The following TMPRSS15 variants were observed in gnomAD, a reference collection of about 807,000 sequenced individuals.
The protein encoded by TMPRSS15 is enteropeptidase.
TMPRSS15 carries 128 observed loss-of-function variants against 125.3 expected under a neutral mutation model. The ratio of observed to expected loss-of-function variants is 1.02; its 90% CI spans 0.89 to 1.18. The LOEUF (loss-of-function observed/expected upper bound fraction) is 1.18. TMPRSS15 is among the 50% of genes most tolerant of loss of function. The probability of loss-of-function intolerance (pLI) is 0.00; values close to 1 mark genes in which losing one functional copy is unlikely to be tolerated. For missense variants in TMPRSS15, 1,283 were observed against 1,212.7 expected (o/e 1.06, Z -0.86); for synonymous variants, 446 against 423.2 (o/e 1.05, Z -0.66).
intron 3 of TMPRSS15, among the ~76,000 whole-genome samples, chr21:18,386,089 T>A (rs1055600220): frequency 5.9e-5 from 9 of 152,180 alleles, no homozygotes; most frequent in Non-Finnish European, 1.0e-4. Context: ...ATTCTGTTAA[T>A]GGGAATTTTG....
At chr21:18,436,382 G>T (rs1016110450) in intron 1 of TMPRSS15, among the ~76,000 whole-genome samples, 1 of 151,800 alleles carries the variant, frequency 6.6e-6, no homozygotes, top group Non-Finnish European at 1.5e-5. Context: ...CCTTCATTTC[G>T]TTATGTACCC....
chr21:18,465,182 CA>C (rs1027630505), intron 1 of TMPRSS15, among the ~76,000 whole-genome samples: 1 of 152,052 alleles, frequency 6.6e-6, no homozygotes, highest in Non-Finnish European at 1.5e-5. Context: ...TCAATAGATG[CA>C]GAAAAGGCCT....
At chr21:18,379,734 G>C (rs1386282473) in intron 4 of TMPRSS15, among the ~76,000 whole-genome samples, 1 of 152,046 alleles carries the variant, frequency 6.6e-6, no homozygotes, top group Non-Finnish European at 1.5e-5. Context: ...TTTGATTTCT[G>C]AGTTTGACAC....
At chr21:18,440,346 C>T (rs919246620) in intron 1 of TMPRSS15, among the ~76,000 whole-genome samples, 26 of 115,886 alleles carry the variant, frequency 2.2e-4, no homozygotes, top group African/African-American at 8.8e-4. Context: ...GCACTCCAGC[C>T]TGGGCGACAG....
chr21:18,353,678 T>C lies in TMPRSS15; in HGVS notation c.1021+45A>G, dbSNP rs776477768. ...TACCTTTAAAATTCCATCATAACAT[T>C]AAAGCATCTAAAAATTAAAAAGCCA... is the stretch of plus-strand genomic sequence containing the variant. On this transcript the variant is annotated intron_variant, in intron 9 of 24. Coordinates refer to ENST00000284885, the MANE Select transcript of TMPRSS15 (RefSeq NM_002772.3). 3.2e-6 allele frequency: 5 copies of C among 1,565,066 alleles called. No individual in the cohort carries two copies. In the South Asian group the frequency reaches 5.7e-5, roughly 18 times the overall value.
At chr21:18,445,876 C>T (rs1045760637) in intron 1 of TMPRSS15, among the ~76,000 whole-genome samples, 1 of 152,160 alleles carries the variant, frequency 6.6e-6, no homozygotes, top group African/African-American at 2.4e-5. Flanking sequence ...CTATTGAAAG[C>T]CTTTTCTCTA....
chr21:18,391,509 G>A (rs1219683717), intron 3 of TMPRSS15, among the ~76,000 whole-genome samples: 2 of 152,206 alleles, frequency 1.3e-5, no homozygotes, highest in African/African-American at 4.8e-5. Flanking sequence ...CACATCCACG[G>A]CATGCTAATG....
At chr21:18,286,173 C>T (rs1303295253) in intron 21 of TMPRSS15, among the ~76,000 whole-genome samples, 2 of 152,088 alleles carry the variant, frequency 1.3e-5, no homozygotes, top group East Asian at 1.9e-4. Context: ...TTTCACTCTC[C>T]GTTCCTCCTC....
chr21:18,314,453 T>C (rs890416644), intron 17 of TMPRSS15, among the ~76,000 whole-genome samples: 4 of 151,768 alleles, frequency 2.6e-5, no homozygotes, highest in African/African-American at 9.7e-5. Context: ...AAATTTCGTA[T>C]TTTTAGTAGA....
chr21:18,436,540 C>A (rs2076228233), intron 1 of TMPRSS15, among the ~76,000 whole-genome samples: 1 of 151,422 alleles, frequency 6.6e-6, no homozygotes, highest in South Asian at 2.1e-4. Flanking sequence ...TCTAGAAAAC[C>A]CCATTGTCTC....
chr21:18,326,662 G>A (rs1283336427), intron 15 of TMPRSS15, 90 bp from the exon 16 acceptor site: 23 of 1,476,866 alleles, frequency 1.6e-5, no homozygotes, highest in Middle Eastern at 1.8e-4. Context: ...TCTGCCAGAC[G>A]TAGGGCTACA....
At chr21:18,432,566 C>G (rs1422079128) in intron 1 of TMPRSS15, among the ~76,000 whole-genome samples, 1 of 152,056 alleles carries the variant, frequency 6.6e-6, no homozygotes, top group Non-Finnish European at 1.5e-5. Context: ...TGTGAAGACA[C>G]AGAAATACAG....
chr21:18,309,971 T>TTCTC lies in TMPRSS15; in HGVS notation c.2165+2973_2165+2974insGAGA, dbSNP rs777121475. On this transcript the variant is annotated intron_variant, in intron 18 of 24. Transcript: ENST00000284885. ...GAGGCTTGGAGCTGGGAAGTTTCCA[T>TTCTC]TCTAAATGCACAGCTTTTGAGAATA... Among the ~76,000 whole-genome samples the TTCTC allele has an allele frequency of 3.1e-3, 469 of 152,280 alleles. 1 individual carries two copies. Among genetic ancestry groups the TTCTC allele is most frequent in the Middle Eastern group, 0.01 (3 of 294 alleles).
chr21:18,318,141 G>A (rs1217953332), intron 16 of TMPRSS15, among the ~76,000 whole-genome samples: 1 of 152,192 alleles, frequency 6.6e-6, no homozygotes, highest in Non-Finnish European at 1.5e-5. Flanking sequence ...AAGTTGGCAA[G>A]GTGGACACTG....
At chr21:18,413,584 C>CTT (rs141469767) in intron 1 of TMPRSS15, among the ~76,000 whole-genome samples, 23 of 135,988 alleles carry the variant, frequency 1.7e-4, no homozygotes, top group African/African-American at 6.3e-4. Flanking sequence ...ACCTGGCTAA[C>CTT]TTTTTTTTTT....
chr21:18,396,824 A>ATCTATCTATCTG (rs2076044633), intron 3 of TMPRSS15, among the ~76,000 whole-genome samples: 1 of 124,798 alleles, frequency 8.0e-6, no homozygotes, highest in East Asian at 3.2e-4. Context: ...CTATCTATCT[A>ATCTATCTATCTG]TCTATCTATC....
Position 18,365,743 on chromosome 21 carries a change from CTTTTTTT to C in TMPRSS15, c.665-502_665-496del, listed in dbSNP as rs36165986. ...TTCTTTCTCTTCTTTCTCTTTTTTC[CTTTTTTT>C]TTTTTTTTTTGAGACAGAGTTTCGC... On this transcript the variant is annotated intron_variant, in intron 6 of 24. Coordinates refer to ENST00000284885, the MANE Select transcript of TMPRSS15 (RefSeq NM_002772.3). Among the ~76,000 whole-genome samples, 337 of 83,864 alleles carry C rather than the reference CTTTTTTT, an allele frequency of 4.0e-3. 7 individuals carry two copies. The highest frequency in any genetic ancestry group is 0.015 in the African/African-American group (327 of 21,194). 55.0% of individuals were successfully genotyped at this position (83,864 alleles called of 152,430 possible).
chr21:18,457,153 T>C (rs1978457341), intron 1 of TMPRSS15, among the ~76,000 whole-genome samples: 1 of 152,126 alleles, frequency 6.6e-6, no homozygotes, highest in Non-Finnish European at 1.5e-5. Flanking sequence ...ATTGTTGAAA[T>C]AATTGAAATA....
At chr21:18,357,226 T>C (rs1302804733) in intron 8 of TMPRSS15, among the ~76,000 whole-genome samples, 1 of 151,896 alleles carries the variant, frequency 6.6e-6, no homozygotes, top group Non-Finnish European at 1.5e-5. Context: ...ACCTTCATCA[T>C]TGCAACTTAA....
Sources: allele counts gnomAD v4.1 joint callset (sites outside exome capture counted in the v4.1 genomes callset), GRCh38; gene constraint gnomAD v4.1.1; transcripts MANE v1.5; gene names NCBI Gene and HGNC (gene_info 2026-07-23, HGNC 2026-07-21).